The following CEACAM21 variants were observed in gnomAD, a reference collection of about 807,000 sequenced individuals.
CEACAM21 encodes CEA cell adhesion molecule 21, also known as cell adhesion molecule CEACAM21.
Under a neutral mutation model 33.2 loss-of-function variants are expected in CEACAM21, and 38 were observed. That is an observed-to-expected ratio of 1.14 (90% CI 0.88 to 1.50). The LOEUF (loss-of-function observed/expected upper bound fraction) is 1.50. Among genes scored for constraint, CEACAM21 ranks in the 40% most tolerant of loss-of-function variants. The pLI is 0.00. For synonymous variants in CEACAM21, 156 were observed against 143.0 expected, an observed-to-expected ratio of 1.09 and a Z score of -0.65; for missense variants, 385 against 364.6, an observed-to-expected ratio of 1.06 and a Z score of -0.46.
intron 1 of CEACAM21, chr19:41,551,894 C>G (rs529332527): frequency 6.6e-6 from 1 of 152,224 alleles, no homozygotes; most frequent in African/African-American, 2.4e-5. Flanking sequence ...GAAGCTCTAC[C>G]GCCAGGCAGG....
At chr19:41,566,714 G>T (rs1359900737) in intron 2 of CEACAM21, among the ~76,000 whole-genome samples, 2 of 152,180 alleles carry the variant, frequency 1.3e-5, no homozygotes, top group Admixed American at 1.3e-4. Context: ...AACCTTCTGA[G>T]AATTGGTTGA....
chr19:41,582,721 G>C (rs1220117023), intron 3 of CEACAM21, among the ~76,000 whole-genome samples: 2 of 152,192 alleles, frequency 1.3e-5, no homozygotes, highest in East Asian at 3.9e-4. Context: ...GGAGTGGCTG[G>C]GATGCAGGGC....
chr19:41,585,945 A>G, intron 6 of CEACAM21, 74 bp downstream of exon 6: 3 of 1,476,920 alleles, frequency 2.0e-6, no homozygotes, highest in Non-Finnish European at 2.8e-6. Flanking sequence ...GGGACTGTCA[A>G]TCCCCAGCAC....
At chr19:41,560,970 AC>A (rs1482804829) in intron 1 of CEACAM21, among the ~76,000 whole-genome samples, 1 of 152,238 alleles carries the variant, frequency 6.6e-6, no homozygotes, top group Non-Finnish European at 1.5e-5. Flanking sequence ...TTGCAGCAAG[AC>A]AAAAATATAA....
intron 1 of CEACAM21, among the ~76,000 whole-genome samples, chr19:41,554,608 T>G (rs2041429592): frequency 6.6e-6 from 1 of 152,090 alleles, no homozygotes; most frequent in African/African-American, 2.4e-5. Context: ...AAATTTCACC[T>G]TTACATTAGT....
At chr19:41,552,712 C>T (rs2041290928) in intron 1 of CEACAM21, among the ~76,000 whole-genome samples, 1 of 152,180 alleles carries the variant, frequency 6.6e-6, no homozygotes, top group Admixed American at 6.5e-5. Flanking sequence ...CGTTATGGGG[C>T]ACCGAATGCA....
intron 1 of CEACAM21, 136 bp downstream of exon 1, chr19:41,576,474 A>T: frequency 1.1e-6 from 1 of 933,390 alleles, no homozygotes; most frequent in Non-Finnish European, 1.5e-6. Flanking sequence ...GTCTAAGGAG[A>T]ACCAAAAAAT....
intron 1 of CEACAM21, among the ~76,000 whole-genome samples, chr19:41,556,744 G>A (rs1449373646): frequency 2.0e-5 from 3 of 152,180 alleles, no homozygotes; most frequent in Non-Finnish European, 2.9e-5. Flanking sequence ...CACAATATAA[G>A]GCACCTTTCA....
intron 1 of CEACAM21, among the ~76,000 whole-genome samples, chr19:41,564,285 CCTT>C (rs373624518): frequency 1.8e-3 from 276 of 152,224 alleles, no homozygotes; most frequent in African/African-American, 6.4e-3. Flanking sequence ...CCCGCTTTCA[CCTT>C]CTGAATTCCT....
At chr19:41,563,663 T>C (rs1052704343) in intron 1 of CEACAM21, among the ~76,000 whole-genome samples, 14 of 152,244 alleles carry the variant, frequency 9.2e-5, no homozygotes, top group African/African-American at 2.7e-4. Context: ...AGGGAGCTGC[T>C]CTGCTGCAGA....
intron 1 of CEACAM21, 83 bp downstream of exon 1, chr19:41,576,421 A>C: frequency 7.2e-7 from 1 of 1,396,464 alleles, no homozygotes; most frequent in African/African-American, 1.5e-5. Context: ...TGGGGCTCTG[A>C]GAGGAGACAG....
At position 41,576,308 on chromosome 19, in the gene CEACAM21, T is replaced by A; in HGVS notation, c.34T>A (p.Cys12Ser). 1 of 1,612,734 alleles carries A rather than the reference T, an allele frequency of 6.2e-7. No individual in the cohort carries two copies. Among genetic ancestry groups the A allele is most frequent in the Non-Finnish European group, 8.5e-7 (1 of 1,179,256 alleles). Residue 12 changes from cysteine to serine, a missense_variant, in exon 1 of 7, where the codon TGC (cysteine) becomes AGC (serine). By Grantham distance (112) the Cys-to-Ser change is moderately radical. Transcript: ENST00000401445. Reference protein sequence around the residue: ...GPPSACPHRECIPWQGLLLTA... With the variant: ...GPPSACPHRESIPWQGLLLTA... Reference sequence around the variant, plus strand: ...CCCCTCAGCTTGTCCCCACAGAGAATGCATCCCCTGGCAGGGGCTCTTGCT... The same window carrying A: ...CCCCTCAGCTTGTCCCCACAGAGAAAGCATCCCCTGGCAGGGGCTCTTGCT...
At chr19:41,578,267 C>A (rs115090033) in intron 2 of CEACAM21, among the ~76,000 whole-genome samples, 4 of 151,378 alleles carry the variant, frequency 2.6e-5, no homozygotes, top group Non-Finnish European at 4.4e-5. Flanking sequence ...CACTCTGGAC[C>A]GCTCCTTCTC....
intron 1 of CEACAM21, among the ~76,000 whole-genome samples, chr19:41,576,865 G>A (rs1555791240): frequency 6.6e-6 from 1 of 152,172 alleles, no homozygotes; most frequent in Non-Finnish European, 1.5e-5. Context: ...GCCCTGGAGG[G>A]AACAGAGCTG....
intron 1 of CEACAM21, among the ~76,000 whole-genome samples, chr19:41,560,541 G>A (rs1027076300): frequency 6.6e-6 from 1 of 152,130 alleles, no homozygotes; most frequent in Admixed American, 6.5e-5. Flanking sequence ...AAAAAATACA[G>A]AAAGGAGAAT....
intron 6 of CEACAM21, 22 bp from the exon 7 acceptor site, chr19:41,586,442 G>T (rs545507825): frequency 4.7e-6 from 3 of 636,552 alleles, no homozygotes; most frequent in South Asian, 4.1e-5. Flanking sequence ...CAGGGGTCAA[G>T]ACCTCTTCTC....
At chr19:41,580,616 A>T (rs988977333) in intron 3 of CEACAM21, among the ~76,000 whole-genome samples, 2 of 152,196 alleles carry the variant, frequency 1.3e-5, no homozygotes, top group South Asian at 4.1e-4. Context: ...TTTACAAAGG[A>T]TGCAGATGAA....
intron 1 of CEACAM21, among the ~76,000 whole-genome samples, chr19:41,576,922 C>G (rs552682438): frequency 6.6e-6 from 1 of 152,092 alleles, no homozygotes; most frequent in African/African-American, 2.4e-5. Flanking sequence ...GGAGGCTTCA[C>G]GAAAGAAGTC....
upstream of CEACAM21, chr19:41,576,140 T>A (rs1482538876): frequency 5.0e-6 from 5 of 1,001,236 alleles, no homozygotes; most frequent in East Asian, 1.1e-4. Flanking sequence ...AAACGGGAAG[T>A]GCTCCTGCCT....
Sources: allele counts gnomAD v4.1 joint callset (sites outside exome capture counted in the v4.1 genomes callset), GRCh38; gene constraint gnomAD v4.1.1; transcripts MANE v1.5; gene names NCBI Gene and HGNC (gene_info 2026-07-23, HGNC 2026-07-21).